AFF3: variants seen among roughly 807,000 people sequenced by gnomAD.
AFF3 encodes the protein AF4/FMR2 family member 3.
AFF3 carries 32 observed loss-of-function variants against 129.7 expected under a neutral mutation model. That is an observed-to-expected ratio of 0.25 (90% CI 0.19 to 0.33). The LOEUF is 0.33. Among genes scored for constraint, AFF3 ranks in the 10% least tolerant of loss-of-function variants. The pLI is 1.00. For missense variants in AFF3, 1,373 were observed against 1,592.0 expected (o/e 0.86, Z 2.34); for synonymous variants, 644 against 635.4 (o/e 1.01, Z -0.20).
chr2:100,016,425 G>A (rs1025638728), intron 4 of AFF3, among the ~76,000 whole-genome samples: 1 of 117,616 alleles, frequency 8.5e-6, no homozygotes, highest in Admixed American at 7.9e-5. Context: ...TGGTAGTGGT[G>A]GCAGTGGTGG....
At chr2:99,743,944 T>C (rs1680928003) in intron 10 of AFF3, among the ~76,000 whole-genome samples, 160 bp downstream of exon 10, 1 of 152,156 alleles carries the variant, frequency 6.6e-6, no homozygotes, top group African/African-American at 2.4e-5. Flanking sequence ...ATAAATCTTA[T>C]TCATTTGGGC....
At chr2:99,954,779 G>A (rs1033935179) in intron 7 of AFF3, among the ~76,000 whole-genome samples, 3 of 102,704 alleles carry the variant, frequency 2.9e-5, no homozygotes, top group African/African-American at 7.5e-5. Context: ...GTGGGGGGAG[G>A]GGGGAGGGAT....
chr2:99,991,772 G>C (rs149972456), intron 7 of AFF3, among the ~76,000 whole-genome samples: 1 of 152,056 alleles, frequency 6.6e-6, no homozygotes, highest in African/African-American at 2.4e-5. Flanking sequence ...GCGTGGTGGC[G>C]CATACCTGTA....
chr2:99,801,707 T>C (rs1419336522), intron 8 of AFF3, among the ~76,000 whole-genome samples: 1 of 152,258 alleles, frequency 6.6e-6, no homozygotes, highest in Non-Finnish European at 1.5e-5. Context: ...CCTCTCATTC[T>C]TAATTATGTC....
At chr2:99,656,623 C>A (rs371467657) in intron 12 of AFF3, among the ~76,000 whole-genome samples, 4 of 152,334 alleles carry the variant, frequency 2.6e-5, no homozygotes, top group African/African-American at 9.6e-5. Context: ...TTTCCTTCCA[C>A]ATCTATAAGC....
At chr2:99,779,451 A>G (rs941814968) in intron 8 of AFF3, among the ~76,000 whole-genome samples, 4 of 152,156 alleles carry the variant, frequency 2.6e-5, no homozygotes, top group Non-Finnish European at 5.9e-5. Context: ...GGTGTTTCAC[A>G]TTTTTCAGGG....
intron 8 of AFF3, among the ~76,000 whole-genome samples, chr2:99,800,437 C>A (rs1181817566): frequency 6.6e-6 from 1 of 152,138 alleles, no homozygotes; most frequent in Admixed American, 6.5e-5. Context: ...TGTGGAGAAA[C>A]AACAACTCTC....
intron 8 of AFF3, among the ~76,000 whole-genome samples, chr2:99,780,064 C>T: frequency 6.6e-6 from 1 of 152,202 alleles, no homozygotes. Context: ...GTTCATAATC[C>T]TTTTCTATGG....
At chr2:99,755,355 G>A (rs1682008267) in intron 8 of AFF3, among the ~76,000 whole-genome samples, 1 of 150,650 alleles carries the variant, frequency 6.6e-6, no homozygotes, top group African/African-American at 2.4e-5. Context: ...CGCGACCTCT[G>A]CCTTCCAGTT....
chr2:99,643,055 ATTTTTTT>A (rs34572652), intron 13 of AFF3, among the ~76,000 whole-genome samples: 6 of 100,856 alleles, frequency 5.9e-5, no homozygotes, highest in Admixed American at 2.6e-4. Flanking sequence ...TACTTAAAAG[ATTTTTTT>A]TTTTTTTTTT....
chr2:99,684,370 TC>T (rs1365482011), intron 11 of AFF3, among the ~76,000 whole-genome samples: 1 of 152,188 alleles, frequency 6.6e-6, no homozygotes, highest in East Asian at 1.9e-4. Context: ...CCATCTCCCC[TC>T]CCCCTGCAGC....
intron 4 of AFF3, among the ~76,000 whole-genome samples, chr2:100,043,625 G>A (rs978509622): frequency 5.3e-5 from 8 of 152,168 alleles, no homozygotes; most frequent in South Asian, 2.1e-4. Flanking sequence ...AATGCAGGAC[G>A]TTAGAAAATA....
intron 7 of AFF3, among the ~76,000 whole-genome samples, chr2:99,911,974 G>GA (rs1217106412): frequency 1.3e-5 from 2 of 152,218 alleles, no homozygotes; most frequent in African/African-American, 4.8e-5. Context: ...GCTGGCAGGA[G>GA]AAAGTGCCCA....
intron 8 of AFF3, among the ~76,000 whole-genome samples, chr2:99,753,161 C>T (rs951431827): frequency 1.3e-5 from 2 of 151,966 alleles, no homozygotes; most frequent in African/African-American, 2.4e-5. Flanking sequence ...AGTGCAGTGG[C>T]GTGATCTGGC....
chr2:99,661,383 T>C (rs753088517), intron 12 of AFF3, among the ~76,000 whole-genome samples: 2 of 152,250 alleles, frequency 1.3e-5, no homozygotes, highest in Non-Finnish European at 2.9e-5. Context: ...CTTTCAAAAA[T>C]GTAGATCCTT....
chr2:100,071,826 G>A (rs1184889656), intron 4 of AFF3, among the ~76,000 whole-genome samples: 1 of 152,122 alleles, frequency 6.6e-6, no homozygotes, highest in Non-Finnish European at 1.5e-5. Context: ...TTCCAACAAA[G>A]ACACCCACTT....
At chr2:100,118,216 C>T (rs79460276) in intron 2 of AFF3, among the ~76,000 whole-genome samples, 2,041 of 152,222 alleles carry the variant, frequency 0.013, 50 homozygotes, top group African/African-American at 0.046. Flanking sequence ...GCATATATTG[C>T]ATTTATATGC....
intron 12 of AFF3, among the ~76,000 whole-genome samples, chr2:99,665,878 G>A (rs1266014067): frequency 6.6e-6 from 1 of 152,218 alleles, no homozygotes; most frequent in Non-Finnish European, 1.5e-5. Context: ...GTGATGAACA[G>A]TGTTCAATGC....
intron 13 of AFF3, among the ~76,000 whole-genome samples, chr2:99,620,427 G>A (rs1465163897): frequency 6.6e-6 from 1 of 152,136 alleles, no homozygotes; most frequent in East Asian, 1.9e-4. Context: ...CCAGGAGTTC[G>A]AGACCAGAAT....
Sources: allele counts gnomAD v4.1 joint callset (sites outside exome capture counted in the v4.1 genomes callset), GRCh38; gene constraint gnomAD v4.1.1; transcripts MANE v1.5; gene names NCBI Gene and HGNC (gene_info 2026-07-23, HGNC 2026-07-21).